The following SLC15A2 variants were observed in gnomAD, a reference collection of about 807,000 sequenced individuals.
The protein encoded by SLC15A2 is kidney H(+)/peptide cotransporter.
Under a neutral mutation model 95.5 loss-of-function variants are expected in SLC15A2, and 77 were observed. The observed-to-expected ratio is 0.81, with a 90% CI of 0.67 to 0.97. The LOEUF is 0.97. SLC15A2 is among the 50% of genes least tolerant of loss of function. The probability of loss-of-function intolerance (pLI) is 0.00; values close to 1 mark genes in which losing one functional copy is unlikely to be tolerated. For missense variants in SLC15A2, 893 were observed against 874.4 expected, an observed-to-expected ratio of 1.02 and a Z score of -0.27; for synonymous variants, 306 against 306.9, an observed-to-expected ratio of 1.00 and a Z score of 0.03.
At chr3:121,929,614 G>T (rs1021833463) in intron 17 of SLC15A2, among the ~76,000 whole-genome samples, 5 of 151,958 alleles carry the variant, frequency 3.3e-5, no homozygotes, top group South Asian at 2.1e-4. Flanking sequence ...TATTTATCTT[G>T]CTCTCAGGAA....
At chr3:121,906,571 T>C (rs1048279244) in intron 3 of SLC15A2, among the ~76,000 whole-genome samples, 9 of 152,172 alleles carry the variant, frequency 5.9e-5, no homozygotes, top group Non-Finnish European at 1.0e-4. Flanking sequence ...CAAAATCTCT[T>C]AGCATTTGCT....
chr3:121,929,276 C>T, intron 16 of SLC15A2, 26 bp from the exon 17 acceptor site: 3 of 1,613,016 alleles, frequency 1.9e-6, no homozygotes, highest in African/African-American at 1.3e-5. Flanking sequence ...TCAGCTGTTA[C>T]TGATTTTTAC....
rs955414894 is a variant in SLC15A2 at position 121,927,798 on chromosome 3, C to A, written c.1165C>A (p.Leu389Met). ...KMAVGMILAC[L>M]AFAVAAAVEI... ...GGCTGTTGGTATGATCCTAGCATGC[C>A]TGGCATTTGCAGTTGCGGCAGCTGT... is the stretch of plus-strand genomic sequence containing the variant. Residue 389 changes from leucine (L) to methionine (M), a missense_variant, in exon 14 of 22, where the codon CTG (leucine) becomes ATG (methionine). Physicochemically the swap from Leu to Met is conservative, Grantham distance 15. Transcript: ENST00000489711. 1 of 1,613,940 alleles carries A rather than the reference C, an allele frequency of 6.2e-7. No individual in the cohort carries two copies. Among genetic ancestry groups the A allele is most frequent in the Non-Finnish European group, 8.5e-7 (1 of 1,179,854 alleles).
intron 7 of SLC15A2, among the ~76,000 whole-genome samples, chr3:121,919,790 G>A (rs957887152): frequency 4.6e-5 from 7 of 152,290 alleles, no homozygotes; most frequent in South Asian, 2.1e-4. Context: ...ATTCAAGAGA[G>A]GATATTGAGC....
At chr3:121,899,223 A>G (rs989004240) in intron 3 of SLC15A2, among the ~76,000 whole-genome samples, 10 of 152,174 alleles carry the variant, frequency 6.6e-5, no homozygotes, top group African/African-American at 2.2e-4. Context: ...TGTGCTCTCA[A>G]ATCAATCCTT....
intron 7 of SLC15A2, among the ~76,000 whole-genome samples, chr3:121,916,479 AT>A (rs1226436286): frequency 9.8e-5 from 15 of 152,290 alleles, no homozygotes; most frequent in South Asian, 4.2e-4. Flanking sequence ...TACAGACTCA[AT>A]GCTCAGTGTA....
chr3:121,941,138 A>G lies in SLC15A2; in HGVS notation c.*131A>G. The G allele has an allele frequency of 1.3e-6, 1 of 784,622 alleles. No individual in the cohort carries two copies. Among genetic ancestry groups the G allele is most frequent in the Non-Finnish European group, 2.0e-6 (1 of 506,778 alleles). 48.6% of individuals were successfully genotyped at this position (784,622 alleles called of 1,614,324 possible). A position where few individuals can be genotyped will look rare whatever the true frequency, so the allele number is the denominator to read the frequency against. On this transcript the variant is annotated 3_prime_UTR_variant, in exon 22 of 22. Transcript: ENST00000489711. ...CTCCTCCACCTTTCTCCAATGACAG[A>G]AGTTCCAGGACTGGTTTTCCAGTAC...
intron 5 of SLC15A2, among the ~76,000 whole-genome samples, chr3:121,913,465 A>G (rs1709815743): frequency 6.6e-6 from 1 of 152,242 alleles, no homozygotes; most frequent in African/African-American, 2.4e-5. Context: ...GAAAGCCTCC[A>G]AGAAGCCAGT....
In SLC15A2 at chr3:121,941,081, G is replaced by A. The variant is rs1168264312; in HGVS notation, c.*74G>A. On this transcript the variant is annotated 3_prime_UTR_variant, in exon 22 of 22. Transcript: ENST00000489711. The stretch of plus-strand genomic sequence containing the variant: ...GCATTTTTTTTCTTCTACTGGATTA[G>A]ACAAGAGAGATAGCAGCATATCAGA... 1 of 1,352,968 alleles carries A rather than the reference G, an allele frequency of 7.4e-7. No homozygotes were observed. The highest frequency in any genetic ancestry group is 2.3e-5 in the East Asian group (1 of 42,974). 83.8% of individuals were successfully genotyped at this position (1,352,968 alleles called of 1,614,324 possible). A position where few individuals can be genotyped will look rare whatever the true frequency, so the allele number is the denominator to read the frequency against.
Position 121,928,450 on chromosome 3 carries a change from G to A in SLC15A2, c.1236G>A (p.Gln412=). The change falls in exon 15 of 22, where the codon CAG becomes CAA. Residue 412 remains glutamine (Q), a synonymous_variant. Transcript: ENST00000489711. ...TGGCCCCAGCCCAGCCAGGTCCCCA[G>A]GAGGTTTTCCTACAAGTCTTGAATC... The part of the protein sequence containing the change: ...NEMAPAQPGP[Q]EVFLQVLNLA... 2 of 1,614,042 alleles carry A rather than the reference G, an allele frequency of 1.2e-6. No homozygotes were observed. The highest frequency in any genetic ancestry group is 1.7e-5 in the Admixed American group (1 of 60,006).
chr3:121,922,709 T>G, intron 8 of SLC15A2, 66 bp from the exon 9 acceptor site: 1 of 1,148,758 alleles, frequency 8.7e-7, no homozygotes, highest in Non-Finnish European at 1.3e-6. Context: ...GAAGGTATAA[T>G]AAGTTGGAAA....
chr3:121,935,845 A>C (rs1710333496), intron 19 of SLC15A2, among the ~76,000 whole-genome samples: 1 of 151,800 alleles, frequency 6.6e-6, no homozygotes, highest in Non-Finnish European at 1.5e-5. Flanking sequence ...TAGTTCTTTT[A>C]ATTGTGATGT....
chr3:121,911,677 T>C lies in SLC15A2; in HGVS notation c.428+11T>C. On this transcript the variant is annotated intron_variant, in intron 4 of 21. Coordinates refer to ENST00000489711, the MANE Select transcript of SLC15A2 (RefSeq NM_021082.4). The stretch of plus-strand genomic sequence containing the variant: ...ACAAGTGGTACACACGTGAGTAAAA[T>C]CATGGAATCAACTAAACTACTTTTC... 1 of 1,537,170 alleles carries C rather than the reference T, an allele frequency of 6.5e-7. No individual in the cohort carries two copies. Among genetic ancestry groups the C allele is most frequent in the Non-Finnish European group, 9.0e-7 (1 of 1,110,258 alleles).
rs767745606 is a variant in SLC15A2 at position 121,894,554 on chromosome 3, A to G, written c.78A>G (p.Pro26=). 2.9e-5 allele frequency: 47 copies of G among 1,613,812 alleles called. No homozygotes were observed. The Admixed American group carries it at 7.7e-4, about 26-fold the overall frequency. ...CCATTGAAGAGGTACCACCTCGACC[A>G]CCTAGCCCTCCAAAGAAGCCATCTC... ...PVSIEEVPPR[P]PSPPKKPSPT... is the part of the protein sequence containing the mutation. Residue 26 remains proline, a synonymous_variant, in exon 1 of 22, where the codon CCA becomes CCG. Coordinates refer to ENST00000489711, the MANE Select transcript of SLC15A2 (RefSeq NM_021082.4).
At chr3:121,931,791 G>A in intron 19 of SLC15A2, 56 bp downstream of exon 19, 1 of 1,024,566 alleles carries the variant, frequency 9.8e-7, no homozygotes, top group South Asian at 1.3e-5. Context: ...TATCTCCTGA[G>A]ATCCTCTAGG....
In SLC15A2 at chr3:121,928,968, T is replaced by G. The variant is rs1559851872; in HGVS notation, c.1342-14T>G. 6.2e-7 allele frequency: 1 copy of G among 1,612,726 alleles called. No individual in the cohort carries two copies. The highest frequency in any genetic ancestry group is 8.5e-7 in the Non-Finnish European group (1 of 1,179,350). On this transcript the variant is annotated splice_polypyrimidine_tract_variant and intron_variant, in intron 15 of 21. Transcript: ENST00000489711. The stretch of plus-strand genomic sequence containing the variant: ...GGTGTACGTGACCTTCATTTTATAT[T>G]CTTCATTTTACAGAAAACACCACAC...
intron 21 of SLC15A2, 22 bp downstream of exon 21, chr3:121,940,510 G>C: frequency 6.3e-7 from 1 of 1,578,736 alleles, no homozygotes; most frequent in Non-Finnish European, 8.7e-7. Flanking sequence ...AGGGAAGCAG[G>C]ATTCATTTCT....
At chr3:121,920,366 G>A (rs963921125) in intron 7 of SLC15A2, among the ~76,000 whole-genome samples, 7 of 152,140 alleles carry the variant, frequency 4.6e-5, no homozygotes, top group African/African-American at 1.7e-4. Context: ...CGCAATCTCA[G>A]CTCACTGCAA....
intron 3 of SLC15A2, among the ~76,000 whole-genome samples, chr3:121,907,309 T>C (rs1709670038): frequency 6.6e-6 from 1 of 152,250 alleles, no homozygotes; most frequent in East Asian, 1.9e-4. Context: ...CTCCTTTAGC[T>C]TGAAGAAGTT....
Sources: allele counts gnomAD v4.1 joint callset (sites outside exome capture counted in the v4.1 genomes callset), GRCh38; gene constraint gnomAD v4.1.1; transcripts MANE v1.5; gene names NCBI Gene and HGNC (gene_info 2026-07-23, HGNC 2026-07-21).